Variants in SSBP2 observed in about 807,000 individuals in gnomAD.
SSBP2 encodes the protein single stranded DNA binding protein 2.
In SSBP2, 17 loss-of-function variants were observed where a neutral mutation model predicts 61.8. The observed-to-expected ratio is 0.28, with a 90% CI of 0.19 to 0.41. SSBP2 has a LOEUF of 0.41. Among genes scored for constraint, SSBP2 ranks in the 10% least tolerant of loss-of-function variants. SSBP2 has a pLI of 1.00. For missense variants in SSBP2, 310 were observed against 458.7 expected (o/e 0.68, Z 2.96); for synonymous variants, 139 against 141.3 (o/e 0.98, Z 0.12).
chr5:81,634,955 AT>A, intron 3 of SSBP2, among the ~76,000 whole-genome samples: 1 of 152,226 alleles, frequency 6.6e-6, no homozygotes, highest in African/African-American at 2.4e-5. Context: ...TTACTTCGTT[AT>A]TTGTTTTCCC....
chr5:81,596,169 T>A (rs926071282), intron 4 of SSBP2, among the ~76,000 whole-genome samples: 1 of 152,074 alleles, frequency 6.6e-6, no homozygotes, highest in African/African-American at 2.4e-5. Context: ...TCTACAAAAA[T>A]CACAAGCATT....
intron 16 of SSBP2, among the ~76,000 whole-genome samples, chr5:81,426,971 A>C (rs535116187): frequency 4.9e-4 from 75 of 152,342 alleles, no homozygotes; most frequent in Non-Finnish European, 1.0e-3. Context: ...TTATATCAAC[A>C]TCTGTTTTTC....
chr5:81,600,361 G>A (rs2153555848), intron 4 of SSBP2, among the ~76,000 whole-genome samples: 1 of 152,072 alleles, frequency 6.6e-6, no homozygotes, highest in South Asian at 2.1e-4. Flanking sequence ...AGGAGTTCGA[G>A]ACCAGCCTGG....
At chr5:81,566,182 T>G (rs1046645534) in intron 4 of SSBP2, among the ~76,000 whole-genome samples, 1 of 152,218 alleles carries the variant, frequency 6.6e-6, no homozygotes, top group Non-Finnish European at 1.5e-5. Context: ...TTCTGATGAA[T>G]AGCAGTCTAA....
intron 1 of SSBP2, among the ~76,000 whole-genome samples, chr5:81,749,278 C>G (rs990674094): frequency 2.0e-5 from 3 of 151,566 alleles, no homozygotes; most frequent in African/African-American, 4.8e-5. Context: ...ATATCTCTTG[C>G]AAAAAAACAA....
chr5:81,416,106 C>G lies in SSBP2; in HGVS notation c.*4398G>C, dbSNP rs1761302204. ...GTGACGCATGCCTGTAATCCAGCTA[C>G]TCTGGAGGCTGAGGCAGGAGAATCT... On this transcript the variant is annotated 3_prime_UTR_variant, in exon 17 of 17. Transcript: ENST00000320672. The G allele has an allele frequency of 1.3e-5, 2 of 150,922 alleles. No homozygotes were observed. The highest frequency in any genetic ancestry group is 2.9e-5 in the Non-Finnish European group (2 of 68,004). The allele number at this position is 150,922 out of a possible 1,614,324, so 9.3% of individuals were successfully genotyped here. A position where few individuals can be genotyped will look rare whatever the true frequency, so the allele number is the denominator to read the frequency against.
intron 4 of SSBP2, among the ~76,000 whole-genome samples, chr5:81,569,122 C>T (rs555223122): frequency 3.7e-4 from 57 of 152,230 alleles, no homozygotes; most frequent in African/African-American, 1.3e-3. Context: ...TATCTTTAAT[C>T]GTATCTAATG....
intron 4 of SSBP2, among the ~76,000 whole-genome samples, chr5:81,514,503 ACTGTT>A (rs1363154603): frequency 1.3e-5 from 2 of 152,076 alleles, no homozygotes; most frequent in African/African-American, 4.8e-5. Flanking sequence ...TATACATACA[ACTGTT>A]CTACAATCAT....
At chr5:81,706,579 C>T (rs1754411710) in intron 1 of SSBP2, among the ~76,000 whole-genome samples, 1 of 152,126 alleles carries the variant, frequency 6.6e-6, no homozygotes, top group East Asian at 1.9e-4. Flanking sequence ...GGTTAAATGC[C>T]TACTGACCCA....
chr5:81,523,922 G>A (rs1031955709), intron 4 of SSBP2, among the ~76,000 whole-genome samples: 2 of 152,010 alleles, frequency 1.3e-5, no homozygotes, highest in African/African-American at 4.8e-5. Context: ...GCTTTCACAA[G>A]TTGTAAACCA....
intron 4 of SSBP2, among the ~76,000 whole-genome samples, chr5:81,525,366 T>C (rs1769839091): frequency 6.6e-6 from 1 of 151,988 alleles, no homozygotes; most frequent in South Asian, 2.1e-4. Flanking sequence ...CCAGTGTCTG[T>C]TGTTCCCCTC....
intron 6 of SSBP2, among the ~76,000 whole-genome samples, chr5:81,478,026 G>A (rs966251090): frequency 6.6e-6 from 1 of 152,094 alleles, no homozygotes; most frequent in Non-Finnish European, 1.5e-5. Context: ...TGCCCGAGGA[G>A]AGTTTCAAGA....
intron 1 of SSBP2, among the ~76,000 whole-genome samples, chr5:81,708,510 G>C (rs1218293219): frequency 2.0e-5 from 3 of 152,052 alleles, no homozygotes; most frequent in Admixed American, 1.3e-4. Context: ...GTTAGAGAGA[G>C]AGAAATTCAT....
chr5:81,750,919 AGTGCGTGCGTGAGT>A, intron 1 of SSBP2, 48 bp downstream of exon 1: 2 of 1,502,622 alleles, frequency 1.3e-6, no homozygotes, highest in Admixed American at 2.0e-5. Flanking sequence ...AGAGTGTGCG[AGTGCGTGCGTGAGT>A]GTGCGCGCGT....
intron 15 of SSBP2, among the ~76,000 whole-genome samples, chr5:81,433,369 C>T (rs1245172212): frequency 2.6e-5 from 4 of 151,932 alleles, no homozygotes; most frequent in East Asian, 1.9e-4. Flanking sequence ...GGATTAAGGG[C>T]GGTGCAAGAT....
intron 10 of SSBP2, among the ~76,000 whole-genome samples, chr5:81,459,899 CTTG>C (rs371436063): frequency 9.2e-5 from 14 of 152,160 alleles, no homozygotes; most frequent in African/African-American, 3.4e-4. Context: ...AGGAGAAAGA[CTTG>C]TTGAAATTAA....
intron 2 of SSBP2, among the ~76,000 whole-genome samples, chr5:81,646,009 C>T (rs1346865115): frequency 6.6e-6 from 1 of 152,084 alleles, no homozygotes; most frequent in Non-Finnish European, 1.5e-5. Context: ...ATAACAAAAG[C>T]CATCAAGAGC....
At chr5:81,426,875 C>T (rs1345959936) in intron 16 of SSBP2, among the ~76,000 whole-genome samples, 1 of 152,094 alleles carries the variant, frequency 6.6e-6, no homozygotes, top group South Asian at 2.1e-4. Context: ...AGTTTTTTTC[C>T]AACTCCAAAT....
In SSBP2 at chr5:81,615,386, A is replaced by G. The variant is rs541073745; in HGVS notation, c.282+87T>C. The G allele has an allele frequency of 3.1e-6, 3 of 969,866 alleles. No homozygotes were observed. The African/African-American group carries it at 4.8e-5, about 16-fold the overall frequency. 60.1% of individuals were successfully genotyped at this position (969,866 alleles called of 1,614,324 possible). ...ACAATTTCTTAAGTACCAAAACAAAAGAATAGATGAGCCAGTGTATTTTTT... is the reference window on the plus strand; with the variant it reads ...ACAATTTCTTAAGTACCAAAACAAAGGAATAGATGAGCCAGTGTATTTTTT... On this transcript the variant is annotated intron_variant, in intron 4 of 16. Transcript: ENST00000320672.
Sources: allele counts gnomAD v4.1 joint callset (sites outside exome capture counted in the v4.1 genomes callset), GRCh38; gene constraint gnomAD v4.1.1; transcripts MANE v1.5; gene names NCBI Gene and HGNC (gene_info 2026-07-23, HGNC 2026-07-21).